Variants in MAP3K13 observed in about 807,000 individuals in gnomAD.
MAP3K13 encodes leucine zipper-bearing kinase.
In MAP3K13, 52 loss-of-function variants were observed where a neutral mutation model predicts 104.0. The observed-to-expected ratio is 0.50, with a 90% CI of 0.40 to 0.63. MAP3K13 has a LOEUF of 0.63. MAP3K13 is among the 20% of genes least tolerant of loss of function. The probability of loss-of-function intolerance (pLI) is 0.00; values close to 1 mark genes in which losing one functional copy is unlikely to be tolerated. For missense variants in MAP3K13, 914 were observed against 1,218.5 expected (o/e 0.75, Z 3.72); for synonymous variants, 394 against 442.2 (o/e 0.89, Z 1.37).
intron 7 of MAP3K13, among the ~76,000 whole-genome samples, chr3:185,455,321 GAT>G (rs1233828965): frequency 1.0e-4 from 5 of 49,974 alleles, no homozygotes; most frequent in South Asian, 6.3e-4. Context: ...ATATATATGA[GAT>G]ATATATGATA....
Position 185,329,651 on chromosome 3 carries a change from T to C in MAP3K13, c.-86+44008T>C, listed in dbSNP as rs1722172316. Among the ~76,000 whole-genome samples, 4 of 152,328 alleles carry C rather than the reference T, an allele frequency of 2.6e-5. No individual in the cohort carries two copies. In the South Asian group the frequency reaches 8.3e-4, roughly 32 times the overall value. On this transcript the variant is annotated intron_variant, in intron 2 of 14. Coordinates refer to the MAP3K13 transcript ENST00000424227. Reference sequence around the variant, plus strand: ...ACTATGGTGCGTAAAATGAGTTTCATATATGAAATTAGAGTTGCCGTGTTT... The same window carrying C: ...ACTATGGTGCGTAAAATGAGTTTCACATATGAAATTAGAGTTGCCGTGTTT...
chr3:185,396,108 C>T (rs1368099369), intron 1 of MAP3K13, among the ~76,000 whole-genome samples: 14 of 152,090 alleles, frequency 9.2e-5, no homozygotes, highest in Non-Finnish European at 5.9e-5. Context: ...CGGTGGCTCA[C>T]GCCTGTAATC....
intron 1 of MAP3K13, among the ~76,000 whole-genome samples, chr3:185,428,292 T>C: frequency 6.6e-6 from 1 of 152,214 alleles, no homozygotes; most frequent in Non-Finnish European, 1.5e-5. Context: ...CTGTTTTTTA[T>C]ATTAATGTGT....
chr3:185,335,400 G>A (rs1722448175), intron 2 of MAP3K13, among the ~76,000 whole-genome samples: 1 of 152,160 alleles, frequency 6.6e-6, no homozygotes. Flanking sequence ...CCAAAGAGCT[G>A]TGATTACACC....
intron 1 of MAP3K13, among the ~76,000 whole-genome samples, chr3:185,409,400 C>G (rs1270575656): frequency 2.0e-5 from 3 of 152,102 alleles, no homozygotes; most frequent in Non-Finnish European, 2.9e-5. Context: ...CTTAATATCT[C>G]TGATTATCAG....
At chr3:185,339,891 A>G (rs1330048338) in intron 2 of MAP3K13, among the ~76,000 whole-genome samples, 1 of 152,260 alleles carries the variant, frequency 6.6e-6, no homozygotes, top group East Asian at 1.9e-4. Flanking sequence ...ACTTAGTTAT[A>G]TGGGACTCTA....
chr3:185,357,447 TAA>T (rs71162295), intron 2 of MAP3K13, among the ~76,000 whole-genome samples: 234 of 91,350 alleles, frequency 2.6e-3, no homozygotes, highest in East Asian at 0.013. Flanking sequence ...AAACTCCATC[TAA>T]AAAAAAAAAA....
At chr3:185,284,126 C>T (rs563388958) in intron 1 of MAP3K13, among the ~76,000 whole-genome samples, 1 of 151,908 alleles carries the variant, frequency 6.6e-6, no homozygotes, top group Non-Finnish European at 1.5e-5. Context: ...GCGTGAACCA[C>T]TACGCGCGGC....
intron 5 of MAP3K13, 28 bp downstream of exon 5, chr3:185,447,975 T>C (rs770006769): frequency 6.3e-7 from 1 of 1,589,542 alleles, no homozygotes; most frequent in Non-Finnish European, 8.6e-7. Context: ...TTGTGCCAAC[T>C]AAAAAGCCTT....
At chr3:185,428,438 TGTC>T in intron 1 of MAP3K13, 56 bp from the exon 2 acceptor site, 1 of 1,065,574 alleles carries the variant, frequency 9.4e-7, no homozygotes, top group Non-Finnish European at 1.3e-6. Flanking sequence ...CAAACAGAAG[TGTC>T]GTAGTGTGCA....
chr3:185,455,393 A>C (rs1716485559), intron 7 of MAP3K13, among the ~76,000 whole-genome samples: 1 of 29,126 alleles, frequency 3.4e-5, no homozygotes, highest in African/African-American at 1.0e-4. Context: ...TATATATATC[A>C]TATATGAGAT....
intron 11 of MAP3K13, 193 bp from the exon 12 acceptor site, chr3:185,477,133 G>A (rs777696521): frequency 1.3e-4 from 87 of 680,400 alleles, no homozygotes; most frequent in South Asian, 3.5e-4. Flanking sequence ...ATGCAGGCCC[G>A]CCATCATAGG....
intron 2 of MAP3K13, among the ~76,000 whole-genome samples, chr3:185,348,434 A>G (rs1253605332): frequency 6.6e-6 from 1 of 152,192 alleles, no homozygotes; most frequent in African/African-American, 2.4e-5. Flanking sequence ...GGCCCAATAC[A>G]TCTCTCGAGT....
At chr3:185,303,275 A>G (rs1356767473) in intron 2 of MAP3K13, among the ~76,000 whole-genome samples, 1 of 152,186 alleles carries the variant, frequency 6.6e-6, no homozygotes, top group Non-Finnish European at 1.5e-5. Flanking sequence ...TTCATCAGGG[A>G]TATCAGTCTG....
At chr3:185,333,957 G>A (rs779754717) in intron 2 of MAP3K13, among the ~76,000 whole-genome samples, 2 of 152,146 alleles carry the variant, frequency 1.3e-5, no homozygotes, top group Non-Finnish European at 2.9e-5. Flanking sequence ...AGGAGGGTGA[G>A]GTGAGAGGAT....
intron 1 of MAP3K13, among the ~76,000 whole-genome samples, chr3:185,371,280 C>G (rs1234979511): frequency 6.6e-6 from 1 of 152,174 alleles, no homozygotes; most frequent in Non-Finnish European, 1.5e-5. Flanking sequence ...GCCAAGAGGG[C>G]TGATGTCTAG....
Position 185,450,222 on chromosome 3 carries a change from C to A in MAP3K13, c.1169+164C>A, listed in dbSNP as rs113413795. ...CAATTTTGGGCACGTTATTCAATAT[C>A]AGTTTTCTCATTTGTAAAATAGAGA... On this transcript the variant is annotated intron_variant, in intron 6 of 13. Coordinates refer to ENST00000265026, the MANE Select transcript of MAP3K13 (RefSeq NM_004721.5). This position sits in a 1 kb window ranked among gnomAD's most constrained non-coding sequence, Gnocchi z 4.2. Among the ~76,000 whole-genome samples, 258 of 152,272 alleles carry A rather than the reference C, an allele frequency of 1.7e-3. No individual in the cohort carries two copies. The highest frequency in any genetic ancestry group is 6.8e-3 in the Middle Eastern group (2 of 294).
At chr3:185,374,389 T>TGG (rs2108752656) in intron 1 of MAP3K13, among the ~76,000 whole-genome samples, 1 of 151,638 alleles carries the variant, frequency 6.6e-6, no homozygotes, top group East Asian at 1.9e-4. Context: ...GAACCTAGAG[T>TGG]GGGAGAGATT....
At chr3:185,455,952 GTA>G (rs1441238587) in intron 7 of MAP3K13, among the ~76,000 whole-genome samples, 50 of 140,968 alleles carry the variant, frequency 3.5e-4, no homozygotes, top group Non-Finnish European at 1.1e-4. Context: ...TATATATGAT[GTA>G]TATATATGAT....
Sources: allele counts gnomAD v4.1 joint callset (sites outside exome capture counted in the v4.1 genomes callset), GRCh38; gene constraint gnomAD v4.1.1; non-coding constraint Gnocchi (gnomAD v3.1); transcripts MANE v1.5; gene names NCBI Gene and HGNC (gene_info 2026-07-23, HGNC 2026-07-21).